The following COBL variants were observed in gnomAD, a reference collection of about 807,000 sequenced individuals.
COBL encodes cordon-bleu WH2 repeat protein.
Under a neutral mutation model 98.8 loss-of-function variants are expected in COBL, and 51 were observed. The ratio of observed to expected loss-of-function variants is 0.52; its 90% CI spans 0.41 to 0.65. COBL has a LOEUF of 0.65. Ranked by LOEUF, COBL falls within the 30% of genes least tolerant of loss-of-function variation. The pLI is 0.00. For synonymous variants in COBL, 634 were observed against 651.7 expected, an observed-to-expected ratio of 0.97 and a Z score of 0.41; for missense variants, 1,617 against 1,617.5, an observed-to-expected ratio of 1.00 and a Z score of 0.01.
Position 51,025,245 on chromosome 7 carries a change from G to T in COBL, c.3632C>A (p.Pro1211His). 1 of 1,608,634 alleles carries T rather than the reference G, an allele frequency of 6.2e-7. No individual in the cohort carries two copies. The highest frequency in any genetic ancestry group is 2.3e-4 in the Middle Eastern group (1 of 4,434). ...TGCAGAGAGAGCCTGGGAGGGTGGAGGGGGTGGTGGGGGAATGGCTGGTGG... is the reference window on the plus strand; with the variant it reads ...TGCAGAGAGAGCCTGGGAGGGTGGATGGGGTGGTGGGGGAATGGCTGGTGG... ...LSPPAIPPPP[P>H]PPSQALSAPR... Residue 1211 changes from proline (P) to histidine (H), a missense_variant, in exon 12 of 13, where the codon CCT (proline) becomes CAT (histidine). Physicochemically the swap from Pro to His is moderately conservative, Grantham distance 77 (BLOSUM62 -2). Transcript: ENST00000265136.
intron 7 of COBL, among the ~76,000 whole-genome samples, chr7:51,055,249 C>A (rs1037711938): frequency 1.3e-5 from 2 of 152,172 alleles, no homozygotes; most frequent in Admixed American, 1.3e-4. Context: ...GCAAAGCCCA[C>A]GCTACTGCCA....
At chr7:51,250,729 A>G (rs1437760993) in intron 1 of COBL, among the ~76,000 whole-genome samples, 3 of 152,270 alleles carry the variant, frequency 2.0e-5, no homozygotes, top group Admixed American at 1.3e-4. Flanking sequence ...CTAAGGTATT[A>G]TGTAAGCTGG....
chr7:51,210,657 G>A (rs962008805), intron 2 of COBL, among the ~76,000 whole-genome samples: 6 of 152,196 alleles, frequency 3.9e-5, no homozygotes, highest in African/African-American at 9.7e-5. Context: ...GCAGGAACTC[G>A]TCTTATGATG....
chr7:51,276,672 T>C (rs1207577400), intron 1 of COBL, among the ~76,000 whole-genome samples: 2 of 152,130 alleles, frequency 1.3e-5, no homozygotes, highest in Admixed American at 6.5e-5. Context: ...AGGGCTGAGC[T>C]GGGGTGGCTG....
intron 2 of COBL, among the ~76,000 whole-genome samples, chr7:51,202,882 A>G (rs2129066985): frequency 6.6e-6 from 1 of 152,258 alleles, no homozygotes; most frequent in East Asian, 1.9e-4. Flanking sequence ...CTCTATTAAA[A>G]ATATAAAAAT....
At chr7:51,075,307 G>A (rs1041932041) in intron 7 of COBL, among the ~76,000 whole-genome samples, 1 of 152,166 alleles carries the variant, frequency 6.6e-6, no homozygotes, top group Non-Finnish European at 1.5e-5. Context: ...TAATTCCTAT[G>A]CTATAAATAG....
At chr7:51,030,955 GA>G in intron 8 of COBL, 46 bp from the exon 9 acceptor site, 1 of 1,235,860 alleles carries the variant, frequency 8.1e-7, no homozygotes, top group South Asian at 1.2e-5. Flanking sequence ...TCTTACTATT[GA>G]TTTAATGTAC....
intron 1 of COBL, among the ~76,000 whole-genome samples, chr7:51,301,790 G>T (rs554124727): frequency 2.0e-5 from 3 of 152,294 alleles, no homozygotes; most frequent in East Asian, 3.9e-4. Context: ...TGGACTGCAG[G>T]TTCCTCCACT....
At chr7:51,108,917 GACACACAC>G (rs1159629618) in intron 6 of COBL, among the ~76,000 whole-genome samples, 1 of 57,858 alleles carries the variant, frequency 1.7e-5, no homozygotes, top group South Asian at 6.6e-4. Flanking sequence ...CTGACACATA[GACACACAC>G]ACACACACAC....
chr7:51,071,253 T>C (rs966979205), intron 7 of COBL: 1 of 152,208 alleles, frequency 6.6e-6, no homozygotes, highest in Non-Finnish European at 1.5e-5. Context: ...GAGTCAGAAA[T>C]GAGAAACTTT....
intron 1 of COBL, among the ~76,000 whole-genome samples, chr7:51,260,757 C>T (rs1797641737): frequency 6.6e-6 from 1 of 152,184 alleles, no homozygotes; most frequent in Non-Finnish European, 1.5e-5. Flanking sequence ...TGGGGACTGA[C>T]AGTGTGCAGC....
chr7:51,209,046 TAAAAAAA>T (rs572689062), intron 2 of COBL, among the ~76,000 whole-genome samples: 16 of 43,432 alleles, frequency 3.7e-4, no homozygotes, highest in African/African-American at 1.2e-3. Context: ...AATGATCAAT[TAAAAAAA>T]AAAAAAAAAA....
chr7:51,302,990 GACA>G lies in COBL; in HGVS notation c.41+13600_41+13602del, dbSNP rs554939954. Reference sequence around the variant, plus strand: ...CTTCCCAACGCAATGCTGCAACTATGACAACAATACCCCACTCACAGGGCTGCC... The same window carrying G: ...CTTCCCAACGCAATGCTGCAACTATGACAATACCCCACTCACAGGGCTGCC... On this transcript the variant is annotated intron_variant, in intron 1 of 12. Transcript: ENST00000265136. 9.2e-5 allele frequency among the ~76,000 whole-genome samples: 14 copies of G among 152,260 alleles called. No homozygotes were observed. The East Asian group carries it at 2.3e-3, about 25-fold the overall frequency.
intron 7 of COBL, among the ~76,000 whole-genome samples, chr7:51,070,424 C>CACACACACACACACACACACAA (rs3222194): frequency 6.6e-6 from 1 of 151,668 alleles, no homozygotes; most frequent in Non-Finnish European, 1.5e-5. Context: ...CACACACACA[C>CACACACACACACACACACACAA]AAAATTCCGA....
chr7:51,131,501 C>T (rs539281910), intron 6 of COBL, among the ~76,000 whole-genome samples: 1 of 152,182 alleles, frequency 6.6e-6, no homozygotes, highest in Non-Finnish European at 1.5e-5. Context: ...AAGAAAGATG[C>T]CAGCAAGAAT....
At chr7:51,262,748 G>C (rs1459425957) in intron 1 of COBL, among the ~76,000 whole-genome samples, 3 of 152,206 alleles carry the variant, frequency 2.0e-5, no homozygotes, top group Non-Finnish European at 4.4e-5. Flanking sequence ...TTGGTCCCAG[G>C]GCAGTCTCAG....
rs999726850 is a variant in COBL, at chr7:51,297,480, C to T, written c.41+19113G>A. Among the ~76,000 whole-genome samples the T allele has an allele frequency of 1.1e-4, 16 of 148,828 alleles. No individual in the cohort carries two copies. The Admixed American group carries it at 1.1e-3, about 10-fold the overall frequency. On this transcript the variant is annotated intron_variant, in intron 1 of 12. Transcript: ENST00000265136. The stretch of plus-strand genomic sequence containing the variant: ...GATCTCAGCTCACTGCAACCTCCGT[C>T]TCCCGGGTTCAAGCAATTCTCCTGC...
intron 12 of COBL, chr7:51,022,650 G>C (rs992539552): frequency 1.3e-5 from 2 of 152,142 alleles, no homozygotes; most frequent in African/African-American, 4.8e-5. Context: ...TATCTCCTCC[G>C]CTTGCTGGTT....
chr7:51,088,181 T>G (rs901424288), intron 6 of COBL, among the ~76,000 whole-genome samples: 1 of 152,184 alleles, frequency 6.6e-6, no homozygotes, highest in African/African-American at 2.4e-5. Flanking sequence ...CCCTGCAATC[T>G]GAATATCCTT....
Sources: allele counts gnomAD v4.1 joint callset (sites outside exome capture counted in the v4.1 genomes callset), GRCh38; gene constraint gnomAD v4.1.1; transcripts MANE v1.5; gene names NCBI Gene and HGNC (gene_info 2026-07-23, HGNC 2026-07-21).